Variants in SLC16A6 observed in about 807,000 individuals in gnomAD.
The protein encoded by SLC16A6 is solute carrier family 16 member 6.
Under a neutral mutation model 33.8 loss-of-function variants are expected in SLC16A6, and 15 were observed. The ratio of observed to expected loss-of-function variants is 0.44; its 90% CI spans 0.30 to 0.68. The LOEUF is 0.68. SLC16A6 is among the 30% of genes least tolerant of loss of function. SLC16A6 has a pLI of 0.10. For synonymous variants in SLC16A6, 219 were observed against 248.4 expected (o/e 0.88, Z 1.11); for missense variants, 451 against 661.5 (o/e 0.68, Z 3.49).
chr17:68,268,799 C>G lies in SLC16A6; in HGVS notation c.*297G>C, dbSNP rs1555747313. On this transcript the variant is annotated 3_prime_UTR_variant, in exon 6 of 6. Transcript: ENST00000580666. ...CACTATTTTAATATCGGAATGTGAA[C>G]CAAAGAGTCTTTCTACATATCTCTT... 2.9e-6 allele frequency: 1 copy of G among 350,332 alleles called. No homozygotes were observed. The highest frequency in any genetic ancestry group is 6.2e-5 in the East Asian group (1 of 16,212). The allele number at this position is 350,332 out of a possible 1,614,324, so 21.7% of individuals were successfully genotyped here. A position where few individuals can be genotyped will look rare whatever the true frequency, so the allele number is the denominator to read the frequency against.
intron 1 of SLC16A6, among the ~76,000 whole-genome samples, chr17:68,285,884 C>G (rs1235290157): frequency 6.6e-6 from 1 of 152,044 alleles, no homozygotes; most frequent in Non-Finnish European, 1.5e-5. Context: ...GTCAGCCTCC[C>G]AAGTAGCTGG....
At chr17:68,281,012 G>A (rs919549610) in intron 1 of SLC16A6, among the ~76,000 whole-genome samples, 16 of 151,890 alleles carry the variant, frequency 1.1e-4, no homozygotes, top group African/African-American at 3.4e-4. Context: ...TGTAGTCCCA[G>A]CTGCTTGGGA....
chr17:68,278,380 G>T lies in SLC16A6; in HGVS notation c.-7-53C>A, dbSNP rs1555751744. ...GATCAGCAATAGCATGAGGATCGAT[G>T]ATTCTCATACTCTTAAGCAAACAAC... is the stretch of plus-strand genomic sequence containing the variant. On this transcript the variant is annotated intron_variant, in intron 1 of 5. Coordinates refer to ENST00000580666, the MANE Select transcript of SLC16A6 (RefSeq NM_004694.5). 1.7e-5 allele frequency: 20 copies of T among 1,166,916 alleles called. 1 individual carries two copies. Among genetic ancestry groups the T allele is most frequent in the Non-Finnish European group, 2.5e-5 (20 of 788,344 alleles). 72.3% of individuals were successfully genotyped at this position (1,166,916 alleles called of 1,614,324 possible).
intron 1 of SLC16A6, among the ~76,000 whole-genome samples, chr17:68,290,434 G>A (rs2075946072): frequency 6.6e-6 from 1 of 152,236 alleles, no homozygotes; most frequent in African/African-American, 2.4e-5. Flanking sequence ...GCTTTCCTGC[G>A]GTTGGCAGCC....
At chr17:68,288,161 T>C (rs1034799888) in intron 1 of SLC16A6, among the ~76,000 whole-genome samples, 1 of 149,692 alleles carries the variant, frequency 6.7e-6, no homozygotes, top group South Asian at 2.1e-4. Flanking sequence ...CACGCCCGGC[T>C]GATTTTTTTT....
chr17:68,281,306 C>T (rs1256659505), intron 1 of SLC16A6, among the ~76,000 whole-genome samples: 6 of 152,002 alleles, frequency 3.9e-5, no homozygotes, highest in Admixed American at 3.3e-4. Context: ...CGGTGGCTCA[C>T]GCCTGTAATC....
At chr17:68,290,556 C>T (rs1181227877) in intron 1 of SLC16A6, among the ~76,000 whole-genome samples, 1 of 152,230 alleles carries the variant, frequency 6.6e-6, no homozygotes, top group Non-Finnish European at 1.5e-5. Context: ...TGGGGACAAA[C>T]GGTGGCCGCC....
intron 1 of SLC16A6, among the ~76,000 whole-genome samples, chr17:68,282,779 TAAAAAAAAAA>T (rs36155626): frequency 1.9e-5 from 1 of 53,398 alleles, no homozygotes. Context: ...CCATCTCTAC[TAAAAAAAAAA>T]AAAAAAAAAA....
chr17:68,272,802 C>T (rs1555749494), intron 3 of SLC16A6, 35 bp from the exon 4 acceptor site: 2 of 1,611,590 alleles, frequency 1.2e-6, no homozygotes, highest in East Asian at 4.5e-5. Flanking sequence ...CAATGAGACC[C>T]ACATACTGCT....
rs531497063 is a variant in SLC16A6 at position 68,290,667 on chromosome 17, G to A, written c.-8+419C>T. Among the ~76,000 whole-genome samples, 3 of 152,362 alleles carry A rather than the reference G, an allele frequency of 2.0e-5. No individual in the cohort carries two copies. The East Asian group carries it at 5.8e-4, about 29-fold the overall frequency. On this transcript the variant is annotated intron_variant, in intron 1 of 5. Transcript: ENST00000580666. ...TGCGTGCGCGCGCCAGCCTGGGGTA[G>A]GAAGGTACCTCTGACATTTCGCTCC...
rs186242875 is a variant in SLC16A6 at position 68,267,867 on chromosome 17, G to A, written c.*1229C>T. ...AGATGTAAATTGCAACTTGTAACTCGCTATAACATAATTGTCTCTGTTACC... is the reference window on the plus strand; with the variant it reads ...AGATGTAAATTGCAACTTGTAACTCACTATAACATAATTGTCTCTGTTACC... On this transcript the variant is annotated 3_prime_UTR_variant, in exon 6 of 6. Coordinates refer to ENST00000580666, the MANE Select transcript of SLC16A6 (RefSeq NM_004694.5). The A allele has an allele frequency of 6.6e-5, 10 of 152,254 alleles. No individual in the cohort carries two copies. Among genetic ancestry groups the A allele is most frequent in the African/African-American group, 2.2e-4 (9 of 41,554 alleles). The allele number at this position is 152,254 out of a possible 1,614,324, so 9.4% of individuals were successfully genotyped here.
chr17:68,274,612 G>C (rs2075451054), intron 2 of SLC16A6: 3 of 152,226 alleles, frequency 2.0e-5, no homozygotes, highest in Admixed American at 2.0e-4. Flanking sequence ...TATATTTTTA[G>C]ATGACTCTGA....
intron 1 of SLC16A6, among the ~76,000 whole-genome samples, chr17:68,288,090 G>A (rs1230453125): frequency 4.0e-5 from 6 of 150,550 alleles, no homozygotes; most frequent in South Asian, 2.1e-4. Flanking sequence ...TCTGCCTCCC[G>A]GGTTCAAGCG....
intron 1 of SLC16A6, among the ~76,000 whole-genome samples, chr17:68,279,968 G>A (rs1221074721): frequency 1.3e-5 from 2 of 152,030 alleles, no homozygotes; most frequent in South Asian, 2.1e-4. Context: ...GATCACCTGA[G>A]GTCAGGAGTT....
intron 1 of SLC16A6, among the ~76,000 whole-genome samples, chr17:68,289,072 G>A (rs1331116081): frequency 3.9e-5 from 6 of 152,146 alleles, no homozygotes; most frequent in Admixed American, 3.9e-4. Flanking sequence ...TTGGCCGGGT[G>A]CGGTAGCTCA....
chr17:68,274,379 T>C (rs1451414329), intron 2 of SLC16A6: 2 of 219,994 alleles, frequency 9.1e-6, no homozygotes, highest in African/African-American at 4.5e-5. Context: ...GATGGGAGGA[T>C]TGTTTGAGCC....
chr17:68,289,373 C>T (rs1205969536), intron 1 of SLC16A6, among the ~76,000 whole-genome samples: 9 of 151,992 alleles, frequency 5.9e-5, no homozygotes, highest in Non-Finnish European at 1.0e-4. Context: ...TTTAATTTGT[C>T]GAGAGAAGAT....
chr17:68,270,542 A>G (rs1353053636), intron 5 of SLC16A6, among the ~76,000 whole-genome samples: 1 of 149,756 alleles, frequency 6.7e-6, no homozygotes, highest in Non-Finnish European at 1.5e-5. Context: ...TGATAGAGCG[A>G]GACTCCATCT....
At position 68,269,764 on chromosome 17, in the gene SLC16A6, C is replaced by T. The variant is rs187734019; in HGVS notation, c.1322-418G>A. Among the ~76,000 whole-genome samples, 448 of 144,652 alleles carry T rather than the reference C, an allele frequency of 3.1e-3. 6 individuals carry two copies. The highest frequency in any genetic ancestry group is 0.011 in the African/African-American group (410 of 38,950). 94.9% of individuals were successfully genotyped at this position (144,652 alleles called of 152,430 possible). On this transcript the variant is annotated intron_variant, in intron 5 of 5. Transcript: ENST00000580666. ...TCTCAGGTCACTGCAACCTCTGCCTCCCAGGTTCAAGCGATTCTCCTGCCT... is the reference window on the plus strand; with the variant it reads ...TCTCAGGTCACTGCAACCTCTGCCTTCCAGGTTCAAGCGATTCTCCTGCCT...
Sources: allele counts gnomAD v4.1 joint callset (sites outside exome capture counted in the v4.1 genomes callset), GRCh38; gene constraint gnomAD v4.1.1; transcripts MANE v1.5; gene names NCBI Gene and HGNC (gene_info 2026-07-23, HGNC 2026-07-21).